GALNTL6: variants seen among roughly 807,000 people sequenced by gnomAD.
The protein encoded by GALNTL6 is polypeptide N-acetylgalactosaminyltransferase-like 6.
GALNTL6 carries 46 observed loss-of-function variants against 73.7 expected under a neutral mutation model. The observed-to-expected ratio is 0.62, with a 90% confidence interval of 0.49 to 0.80. The LOEUF is 0.80. Ranked by LOEUF, GALNTL6 falls within the 30% of genes least tolerant of loss-of-function variation. The pLI is 0.00. For missense variants in GALNTL6, 604 were observed against 755.0 expected (o/e 0.80, Z 2.34); for synonymous variants, 259 against 263.7 (o/e 0.98, Z 0.17).
At position 172,323,718 on chromosome 4, in the gene GALNTL6, T is replaced by G. The variant is rs185066993; in HGVS notation, c.386+11966T>G. On this transcript the variant is annotated intron_variant, in intron 4 of 12. Transcript: ENST00000506823. The stretch of plus-strand genomic sequence containing the variant: ...TAGGAGATCTGGATTTCACAGAATT[T>G]AACTACCTGAACTGTCATCTATCAG... Among the ~76,000 whole-genome samples the G allele has an allele frequency of 7.9e-4, 121 of 152,278 alleles. 2 individuals are homozygous for G. The South Asian group carries it at 0.016, about 20-fold the overall frequency.
At chr4:173,022,068 AAGGAAG>A (rs1753020555) in intron 12 of GALNTL6, among the ~76,000 whole-genome samples, 1 of 137,594 alleles carries the variant, frequency 7.3e-6, no homozygotes, top group South Asian at 2.5e-4. Context: ...GGAAGGAAGG[AAGGAAG>A]GAAGGAAGGA....
chr4:172,729,656 G>C (rs1193959636), intron 5 of GALNTL6, among the ~76,000 whole-genome samples: 2 of 152,144 alleles, frequency 1.3e-5, no homozygotes, highest in Non-Finnish European at 2.9e-5. Context: ...GAATTTTGAA[G>C]TCAGGTAGTA....
chr4:172,720,432 C>G (rs1397600365), intron 5 of GALNTL6, among the ~76,000 whole-genome samples: 1 of 152,114 alleles, frequency 6.6e-6, no homozygotes, highest in Non-Finnish European at 1.5e-5. Flanking sequence ...CTGAACTTCC[C>G]GAGGCTCCAC....
At chr4:172,847,773 T>G (rs945491871) in intron 7 of GALNTL6, among the ~76,000 whole-genome samples, 1 of 152,170 alleles carries the variant, frequency 6.6e-6, no homozygotes, top group African/African-American at 2.4e-5. Flanking sequence ...ATTGCCTCAC[T>G]TTTTTGAGGG....
At chr4:172,122,105 T>C (rs1733165930) in intron 2 of GALNTL6, among the ~76,000 whole-genome samples, 1 of 151,282 alleles carries the variant, frequency 6.6e-6, no homozygotes, top group African/African-American at 2.4e-5. Context: ...CATAGAGCAA[T>C]TTTATCATCT....
chr4:172,151,640 AAAG>A (rs747828467), intron 2 of GALNTL6, among the ~76,000 whole-genome samples: 2 of 152,174 alleles, frequency 1.3e-5, no homozygotes, highest in African/African-American at 2.4e-5. Context: ...AGAGTTGTTG[AAAG>A]AAGATTTTGA....
intron 5 of GALNTL6, among the ~76,000 whole-genome samples, chr4:172,423,427 G>A (rs535883707): frequency 2.0e-4 from 30 of 151,738 alleles, no homozygotes; most frequent in African/African-American, 4.8e-4. Flanking sequence ...CATTACTGCC[G>A]CAGTCAGTAC....
chr4:172,142,926 A>T (rs545766002), intron 2 of GALNTL6, among the ~76,000 whole-genome samples: 15 of 152,130 alleles, frequency 9.9e-5, no homozygotes, highest in African/African-American at 3.4e-4. Context: ...ACATTTTTAG[A>T]GACAACTGTT....
intron 2 of GALNTL6, among the ~76,000 whole-genome samples, chr4:171,844,628 C>G (rs1009046061): frequency 2.0e-5 from 3 of 152,094 alleles, no homozygotes; most frequent in Non-Finnish European, 4.4e-5. Context: ...GCAGATATGA[C>G]CAGAGCACTT....
At chr4:172,834,381 C>A (rs11944071) in intron 7 of GALNTL6, among the ~76,000 whole-genome samples, 1 of 152,048 alleles carries the variant, frequency 6.6e-6, no homozygotes, top group Non-Finnish European at 1.5e-5. Context: ...GTATGGATGG[C>A]GTTGCCCATT....
At chr4:172,715,054 A>G (rs1207760154) in intron 5 of GALNTL6, among the ~76,000 whole-genome samples, 1 of 152,140 alleles carries the variant, frequency 6.6e-6, no homozygotes, top group Non-Finnish European at 1.5e-5. Flanking sequence ...ATTCATTAAG[A>G]TCTTCTGGTT....
At chr4:172,170,674 C>A (rs1031816777) in intron 2 of GALNTL6, among the ~76,000 whole-genome samples, 2 of 151,962 alleles carry the variant, frequency 1.3e-5, no homozygotes, top group Admixed American at 1.3e-4. Flanking sequence ...CCAAACCCGG[C>A]TAATTTTTCT....
intron 5 of GALNTL6, among the ~76,000 whole-genome samples, chr4:172,745,342 CTTA>C (rs1475039303): frequency 1.3e-5 from 2 of 151,340 alleles, no homozygotes; most frequent in African/African-American, 4.9e-5. Context: ...AATTAGAGCT[CTTA>C]TTATGTTATA....
rs1033837459 is a variant in GALNTL6, at chr4:172,894,242, G to A, written c.1041+11335G>A. Among the ~76,000 whole-genome samples, 9 of 151,626 alleles carry A rather than the reference G, an allele frequency of 5.9e-5. No individual in the cohort carries two copies. In the East Asian group the frequency reaches 1.7e-3, roughly 29 times the overall value. On this transcript the variant is annotated intron_variant, in intron 8 of 12. Coordinates refer to ENST00000506823, the MANE Select transcript of GALNTL6 (RefSeq NM_001034845.3). ...ATTTCTTTTATTTTGCTAATTTTGG[G>A]GATTGGTTTGTTCTTGCTTTTCTTG...
intron 5 of GALNTL6, among the ~76,000 whole-genome samples, chr4:172,442,591 GACA>G (rs1296261351): frequency 6.6e-6 from 1 of 151,958 alleles, no homozygotes; most frequent in African/African-American, 2.4e-5. Flanking sequence ...AACAAGAAAG[GACA>G]ACAAGAAAAT....
intron 2 of GALNTL6, among the ~76,000 whole-genome samples, chr4:172,091,009 TGTG>T (rs907393691): frequency 2.0e-5 from 3 of 152,246 alleles, no homozygotes; most frequent in African/African-American, 4.8e-5. Context: ...GTTGTAGACT[TGTG>T]GTGTAATTTT....
intron 5 of GALNTL6, among the ~76,000 whole-genome samples, chr4:172,479,595 G>A (rs904270824): frequency 2.0e-5 from 3 of 152,092 alleles, no homozygotes; most frequent in Non-Finnish European, 2.9e-5. Flanking sequence ...AAAATCACCT[G>A]TTAGGTATAA....
chr4:172,770,863 T>C (rs1738724271), intron 5 of GALNTL6, among the ~76,000 whole-genome samples: 1 of 152,192 alleles, frequency 6.6e-6, no homozygotes, highest in African/African-American at 2.4e-5. Flanking sequence ...ACAAGACTAA[T>C]ATTTTTATCC....
intron 5 of GALNTL6, among the ~76,000 whole-genome samples, chr4:172,647,153 G>A (rs189119319): frequency 6.6e-5 from 10 of 152,214 alleles, no homozygotes; most frequent in Admixed American, 1.3e-4. Flanking sequence ...TTCAAGGTCA[G>A]TTAATTATTG....
Sources: allele counts gnomAD v4.1 joint callset (sites outside exome capture counted in the v4.1 genomes callset), GRCh38; gene constraint gnomAD v4.1.1; transcripts MANE v1.5; gene names NCBI Gene and HGNC (gene_info 2026-07-23, HGNC 2026-07-21).